Variants in STK11 observed in about 807,000 individuals in gnomAD.
The protein encoded by STK11 is serine/threonine kinase 11.
Under a neutral mutation model 47.3 loss-of-function variants are expected in STK11, and 8 were observed. That is an observed-to-expected ratio of 0.17 (90% CI 0.10 to 0.31). The LOEUF (loss-of-function observed/expected upper bound fraction) is 0.31, where lower values mean the gene tolerates loss of function less well. STK11 is among the 10% of genes least tolerant of loss of function. The pLI is 1.00. For synonymous variants in STK11, 330 were observed against 255.8 expected (o/e 1.29, Z -2.77); for missense variants, 475 against 605.0 (o/e 0.79, Z 2.25).
rs962626004 is a variant in STK11, at chr19:1,221,417, G to A, written c.862+77G>A. The A allele has an allele frequency of 2.0e-6, 3 of 1,482,774 alleles. No homozygotes were observed. The African/African-American group carries it at 4.2e-5, about 21-fold the overall frequency. The allele number at this position is 1,482,774 out of a possible 1,614,324, so 91.9% of individuals were successfully genotyped here. ...CAGAAATGTAGGGTTGGGGGTGTCA[G>A]GTGGGGGGCTATTGGCCCCGAGACC... On this transcript the variant is annotated intron_variant, in intron 6 of 9. Transcript: ENST00000326873.
Position 1,206,051 on chromosome 19 carries a change from G to A in STK11, c.-863G>A, listed in dbSNP as rs2080661944. 6.9e-6 allele frequency: 1 copy of A among 145,602 alleles called. No individual in the cohort carries two copies. The highest frequency in any genetic ancestry group is 6.8e-5 in the Admixed American group (1 of 14,702). The allele number at this position is 145,602 out of a possible 1,614,324, so 9.0% of individuals were successfully genotyped here. Reference sequence around the variant, plus strand: ...CCTCGGCCGCCGGGAGCCCCGTGGAGCCCCCGCCGCCGCGCCGCCCCGCGG... The same window carrying A: ...CCTCGGCCGCCGGGAGCCCCGTGGAACCCCCGCCGCCGCGCCGCCCCGCGG... On this transcript the variant is annotated 5_prime_UTR_variant, in exon 1 of 10. Transcript: ENST00000326873.
chr19:1,226,007 T>TGCCTGGCCTGA (rs1393225344), intron 8 of STK11: 8 of 1,009,426 alleles, frequency 7.9e-6, no homozygotes, highest in South Asian at 4.0e-5. Flanking sequence ...GCATTTCGCG[T>TGCCTGGCCTGA]GCCTGGCCTG....
Position 1,206,787 on chromosome 19 carries a change from T to C in STK11, c.-127T>C, listed in dbSNP as rs532196225. 7,285 of 1,253,390 alleles carry C rather than the reference T, an allele frequency of 5.8e-3. 33 individuals are homozygous for C. The highest frequency in any genetic ancestry group is 7.0e-3 in the Non-Finnish European group (6,563 of 932,676). The allele number at this position is 1,253,390 out of a possible 1,614,324, so 77.6% of individuals were successfully genotyped here. ...AAGGGTTTTTCCCTTCCTTTTGGGG[T>C]TTTTGTTGCCTTTTTTTTTTCTTTT... On this transcript the variant is annotated 5_prime_UTR_variant, in exon 1 of 10. Transcript: ENST00000326873.
chr19:1,224,994 T>TGCTGCGTCGGCC, intron 8 of STK11: 1 of 985,596 alleles, frequency 1.0e-6, no homozygotes, highest in Non-Finnish European at 1.2e-6. Context: ...CTGCCGGGGC[T>TGCTGCGTCGGCC]GCTGCATCGG....
In STK11 at chr19:1,212,990, C is replaced by CTTTTT. The variant is rs35169539; in HGVS notation, c.291-5407_291-5403dup. ...CCATAGTACTGGGCCTAAAGTTCACCTTTTTTTTTTTTTTTTTTTTTTTTG... is the reference window on the plus strand; with the variant it reads ...CCATAGTACTGGGCCTAAAGTTCACCTTTTTTTTTTTTTTTTTTTTTTTTTTTTTG... On this transcript the variant is annotated intron_variant, in intron 1 of 9. Coordinates refer to ENST00000326873, the MANE Select transcript of STK11 (RefSeq NM_000455.5). Among the ~76,000 whole-genome samples the CTTTTT allele has an allele frequency of 3.4e-4, 32 of 94,778 alleles. 1 individual carries two copies. The highest frequency in any genetic ancestry group is 4.2e-4 in the Non-Finnish European group (20 of 47,912). 62.2% of individuals were successfully genotyped at this position (94,778 alleles called of 152,430 possible).
chr19:1,212,586 G>T (rs2080718861), intron 1 of STK11, among the ~76,000 whole-genome samples: 2 of 152,010 alleles, frequency 1.3e-5, no homozygotes, highest in Non-Finnish European at 1.5e-5. Context: ...TTATTTTTGA[G>T]ACGGAGTCTC....
At chr19:1,214,269 G>T (rs775717955) in intron 1 of STK11, among the ~76,000 whole-genome samples, 1 of 152,174 alleles carries the variant, frequency 6.6e-6, no homozygotes, top group Non-Finnish European at 1.5e-5. Flanking sequence ...GGCGGGGGTG[G>T]CTCCACCCCC....
chr19:1,208,784 A>ATT (rs138858798), intron 1 of STK11, among the ~76,000 whole-genome samples: 6,873 of 121,726 alleles, frequency 0.056, 276 homozygotes, highest in East Asian at 0.14. Flanking sequence ...TGCCCAGCTA[A>ATT]TTTTTTTTTT....
At chr19:1,224,987 C>T in intron 8 of STK11, 2 of 985,640 alleles carry the variant, frequency 2.0e-6, no homozygotes, top group Non-Finnish European at 2.4e-6. Context: ...CTGCGCTCTG[C>T]CGGGGCTGCT....
chr19:1,228,004 G>A lies in STK11; in HGVS notation c.*428G>A, dbSNP rs2080839773. On this transcript the variant is annotated 3_prime_UTR_variant, in exon 10 of 10. Transcript: ENST00000326873. ...CCCCGCCATGCATGCAGCGCCACCT[G>A]GAAGCCGCGCGGCCGCTTTGGTTTT... is the stretch of plus-strand genomic sequence containing the variant. The A allele has an allele frequency of 1.6e-5, 17 of 1,067,868 alleles. No homozygotes were observed. The South Asian group carries it at 5.9e-4, about 37-fold the overall frequency. The allele number at this position is 1,067,868 out of a possible 1,614,324, so 66.1% of individuals were successfully genotyped here.
chr19:1,210,409 G>C (rs541488068), intron 1 of STK11, among the ~76,000 whole-genome samples: 1 of 152,196 alleles, frequency 6.6e-6, no homozygotes, highest in Non-Finnish European at 1.5e-5. Flanking sequence ...TGTGGAAAGC[G>C]TGGGCGATCA....
intron 1 of STK11, among the ~76,000 whole-genome samples, chr19:1,217,394 T>G (rs970639036): frequency 5.3e-5 from 8 of 152,254 alleles, no homozygotes; most frequent in African/African-American, 1.7e-4. Context: ...GAGACAGGGT[T>G]TCGCCGTGTT....
intron 1 of STK11, among the ~76,000 whole-genome samples, chr19:1,209,038 G>A (rs1395491521): frequency 6.6e-6 from 1 of 152,170 alleles, no homozygotes; most frequent in African/African-American, 2.4e-5. Flanking sequence ...TGGGAAGGGT[G>A]TGTTTCCACG....
intron 8 of STK11, chr19:1,224,571 T>C: frequency 2.0e-6 from 2 of 985,534 alleles, no homozygotes; most frequent in Non-Finnish European, 2.4e-6. Flanking sequence ...TACTGGGACG[T>C]GGACCACACG....
In STK11 at chr19:1,228,270, C is replaced by A; in HGVS notation, c.*694C>A. 2.7e-6 allele frequency: 1 copy of A among 367,332 alleles called. No individual in the cohort carries two copies. The highest frequency in any genetic ancestry group is 4.1e-6 in the Non-Finnish European group (1 of 241,188). The allele number at this position is 367,332 out of a possible 1,614,324, so 22.8% of individuals were successfully genotyped here. ...TGCGCTCTTGGGACCCCAGAGAAAA[C>A]CCGGAGCAAGCAGGAGTGTGCGGTC... On this transcript the variant is annotated 3_prime_UTR_variant, in exon 10 of 10. Transcript: ENST00000326873.
chr19:1,221,710 C>A (rs1175072987), intron 6 of STK11: 2 of 600,470 alleles, frequency 3.3e-6, no homozygotes, highest in Non-Finnish European at 5.9e-6. Flanking sequence ...CTTGGGAGAA[C>A]GGAACCGCCC....
chr19:1,221,153 C>T (rs2080780779), intron 5 of STK11, 60 bp from the exon 6 acceptor site: 1 of 1,599,906 alleles, frequency 6.3e-7, no homozygotes, highest in South Asian at 1.1e-5. Flanking sequence ...AGAGCTGGGG[C>T]TCCTAGGGCG....
intron 8 of STK11, 102 bp from the exon 9 acceptor site, chr19:1,226,352 G>A (rs902220118): frequency 1.3e-6 from 2 of 1,525,178 alleles, no homozygotes; most frequent in South Asian, 1.2e-5. Flanking sequence ...CATGGCCTGG[G>A]CAGCAGCTGT....
chr19:1,222,524 C>G (rs1277708803), intron 7 of STK11, among the ~76,000 whole-genome samples: 1 of 152,216 alleles, frequency 6.6e-6, no homozygotes, highest in African/African-American at 2.4e-5. Context: ...AGGCCACCCA[C>G]TGAGACCGGC....
Sources: gnomAD v4.1 joint callset for allele counts (sites outside exome capture counted in the v4.1 genomes callset) on GRCh38, gnomAD v4.1.1 for gene constraint, MANE v1.5 for transcripts, NCBI Gene and HGNC (gene_info 2026-07-23, HGNC 2026-07-21) for gene names.